Variants in BANP observed in about 807,000 individuals in gnomAD.
BANP encodes protein BANP.
BANP carries 11 observed loss-of-function variants against 68.1 expected under a neutral mutation model. The observed-to-expected ratio is 0.16, with a 90% CI of 0.10 to 0.27. The LOEUF (loss-of-function observed/expected upper bound fraction) is 0.27. Ranked by LOEUF, BANP falls within the 10% of genes least tolerant of loss-of-function variation. The pLI is 1.00. For missense variants in BANP, 504 were observed against 722.7 expected (o/e 0.70, Z 3.47); for synonymous variants, 329 against 303.2 (o/e 1.09, Z -0.88).
intron 1 of BANP, among the ~76,000 whole-genome samples, chr16:87,968,124 C>T (rs1286712754): frequency 1.3e-5 from 2 of 151,632 alleles, no homozygotes; most frequent in South Asian, 2.1e-4. Context: ...GACCCCAAAA[C>T]GTTTTAAATG....
At chr16:87,965,551 T>TC (rs578250943) in intron 1 of BANP, among the ~76,000 whole-genome samples, 122 of 126,884 alleles carry the variant, frequency 9.6e-4, no homozygotes, top group African/African-American at 3.5e-3. Flanking sequence ...GAGAGCAGGA[T>TC]CACCCACTAA....
chr16:88,064,917 AT>A lies in BANP; in HGVS notation c.1312-342del, dbSNP rs1282770323. Among the ~76,000 whole-genome samples the A allele has an allele frequency of 6.6e-6, 1 of 151,788 alleles. No individual in the cohort carries two copies. The highest frequency in any genetic ancestry group is 2.4e-5 in the African/African-American group (1 of 41,292). The stretch of plus-strand genomic sequence containing the variant: ...GAACACGAGTCATAGAGGACATTTC[AT>A]TTTTTTTCTCCTCCAATTTTGTTTT... On this transcript the variant is annotated intron_variant, in intron 11 of 13. Coordinates refer to ENST00000682872, the MANE Select transcript of BANP (RefSeq NM_001386991.1). This position sits in a 1 kb window ranked among gnomAD's most constrained non-coding sequence, Gnocchi z 4.5.
At chr16:88,046,758 T>G (rs2082110770) in intron 11 of BANP, among the ~76,000 whole-genome samples, 1 of 151,920 alleles carries the variant, frequency 6.6e-6, no homozygotes, top group Non-Finnish European at 1.5e-5. Context: ...GTGTTGTGTT[T>G]GTGTTCTTTA....
rs2090320772 is a variant in BANP at position 88,071,501 on chromosome 16, G to T, written c.1378-568G>T. The T allele has an allele frequency of 2.2e-6, 1 of 456,382 alleles. No homozygotes were observed. Among genetic ancestry groups the T allele is most frequent in the East Asian group, 7.0e-5 (1 of 14,386 alleles). 28.3% of individuals were successfully genotyped at this position (456,382 alleles called of 1,614,324 possible). On this transcript the variant is annotated intron_variant, in intron 12 of 13. Coordinates refer to ENST00000682872, the MANE Select transcript of BANP (RefSeq NM_001386991.1). The surrounding 1 kb of genome is among the most constrained non-coding windows in gnomAD (Gnocchi z 6.5). ...GGCCAGCGGGGCTCTCTGCCACCAGGACTCACTTCCGCCCATCTTGGAACT... is the reference window on the plus strand; with the variant it reads ...GGCCAGCGGGGCTCTCTGCCACCAGTACTCACTTCCGCCCATCTTGGAACT...
chr16:88,066,675 T>C (rs932159605), intron 12 of BANP, among the ~76,000 whole-genome samples: 10 of 152,240 alleles, frequency 6.6e-5, no homozygotes, highest in African/African-American at 2.2e-4. Flanking sequence ...AGGAGGAAAC[T>C]AGAAGTTTCT....
intron 4 of BANP, among the ~76,000 whole-genome samples, chr16:87,994,167 C>A (rs1232411948): frequency 6.6e-6 from 1 of 152,202 alleles, no homozygotes; most frequent in Non-Finnish European, 1.5e-5. Context: ...GCTTTTCAGC[C>A]AAACATGTTG....
In BANP at chr16:88,027,625, C is replaced by T. The variant is rs1172833699; in HGVS notation, c.1038C>T (p.Pro346=). ...TCAAGAGCTTCTCGCGGAGAACGCC[C>T]AACTCGTCCTCCTACTGCCCTTCAG... The part of the protein sequence containing the change: ...LAVKSFSRRT[P]NSSSYCPSEP... Residue 346 remains proline, a synonymous_variant, in exon 8 of 14, where the codon CCC becomes CCT. Coordinates refer to ENST00000682872, the MANE Select transcript of BANP (RefSeq NM_001386991.1). The T allele has an allele frequency of 9.3e-6, 15 of 1,613,520 alleles. No individual in the cohort carries two copies. Among genetic ancestry groups the T allele is most frequent in the Middle Eastern group, 1.7e-4 (1 of 5,870 alleles).
chr16:88,066,097 G>A (rs1329967615), intron 12 of BANP, among the ~76,000 whole-genome samples: 3 of 152,326 alleles, frequency 2.0e-5, no homozygotes, highest in East Asian at 1.9e-4. Context: ...GTGCCCATGC[G>A]AGGCGGCCTC....
At chr16:87,997,874 G>A (rs2067719422) in intron 4 of BANP, among the ~76,000 whole-genome samples, 2 of 152,220 alleles carry the variant, frequency 1.3e-5, no homozygotes, top group African/African-American at 4.8e-5. Flanking sequence ...GGGTCTCATG[G>A]TGGCTGCTGG....
chr16:87,967,747 G>T (rs543812980), intron 1 of BANP, among the ~76,000 whole-genome samples: 1 of 151,588 alleles, frequency 6.6e-6, no homozygotes, highest in Non-Finnish European at 1.5e-5. Context: ...TCAGCCTCCC[G>T]AGTAGCTGGG....
chr16:87,978,542 T>G (rs754348886), intron 2 of BANP: 11 of 457,450 alleles, frequency 2.4e-5, no homozygotes, highest in African/African-American at 2.2e-4. Flanking sequence ...GTTTTAAAAG[T>G]TTCATTAAGT....
chr16:88,071,916 C>T lies in BANP; in HGVS notation c.1378-153C>T, dbSNP rs2090437908. The T allele has an allele frequency of 1.0e-6, 1 of 966,222 alleles. No homozygotes were observed. The highest frequency in any genetic ancestry group is 2.0e-4 in the Middle Eastern group (1 of 4,888). The allele number at this position is 966,222 out of a possible 1,614,324, so 59.9% of individuals were successfully genotyped here. On this transcript the variant is annotated intron_variant, in intron 12 of 13. Coordinates refer to ENST00000682872, the MANE Select transcript of BANP (RefSeq NM_001386991.1). The surrounding 1 kb of genome is among the most constrained non-coding windows in gnomAD (Gnocchi z 6.5). Reference sequence around the variant, plus strand: ...GAGAGCGATGGGGAGACAGGATGTGCCGCAGAGTCCTCGGTGTGGCCCTGA... The same window carrying T: ...GAGAGCGATGGGGAGACAGGATGTGTCGCAGAGTCCTCGGTGTGGCCCTGA...
chr16:87,996,232 A>T (rs550954020), intron 4 of BANP, among the ~76,000 whole-genome samples: 1 of 152,140 alleles, frequency 6.6e-6, no homozygotes, highest in Non-Finnish European at 1.5e-5. Context: ...GACAGCTTTC[A>T]TGGAGCCTAG....
At chr16:87,995,786 C>T (rs1249796004) in intron 4 of BANP, among the ~76,000 whole-genome samples, 1 of 152,218 alleles carries the variant, frequency 6.6e-6, no homozygotes, top group East Asian at 1.9e-4. Flanking sequence ...ATTGACTCCA[C>T]AGGTAACAAG....
At chr16:87,995,612 G>A (rs1409953408) in intron 4 of BANP, among the ~76,000 whole-genome samples, 1 of 152,238 alleles carries the variant, frequency 6.6e-6, no homozygotes, top group Non-Finnish European at 1.5e-5. Context: ...TAAAAGGGAT[G>A]CCTACCTGGC....
chr16:88,031,803 C>T (rs2078237840), intron 8 of BANP, among the ~76,000 whole-genome samples: 1 of 150,914 alleles, frequency 6.6e-6, no homozygotes, highest in Admixed American at 6.6e-5. Context: ...TTGCCCTCCC[C>T]TCTCTTGCCC....
chr16:88,074,272 C>A (rs74040299), intron 13 of BANP, among the ~76,000 whole-genome samples: 3 of 152,160 alleles, frequency 2.0e-5, no homozygotes, highest in Non-Finnish European at 2.9e-5. Context: ...CAGGGTCACG[C>A]GCTTGAGCTC....
At chr16:88,014,438 G>A (rs887901335) in intron 6 of BANP, among the ~76,000 whole-genome samples, 8 of 152,046 alleles carry the variant, frequency 5.3e-5, no homozygotes, top group African/African-American at 1.5e-4. Context: ...GGAGGTTCTC[G>A]GTGTGGGCAT....
At chr16:87,999,220 ACG>A (rs2068337427) in intron 4 of BANP, among the ~76,000 whole-genome samples, 3 of 131,850 alleles carry the variant, frequency 2.3e-5, no homozygotes, top group East Asian at 2.4e-4. Flanking sequence ...CCTTCCAGAC[ACG>A]TCTCCATGCA....
Sources: allele counts gnomAD v4.1 joint callset (sites outside exome capture counted in the v4.1 genomes callset), GRCh38; gene constraint gnomAD v4.1.1; non-coding constraint Gnocchi (gnomAD v3.1); transcripts MANE v1.5; gene names NCBI Gene and HGNC (gene_info 2026-07-23, HGNC 2026-07-21).